SETD5: variants seen among roughly 807,000 people sequenced by gnomAD.
SETD5 encodes SET domain containing 5.
A neutral mutation model predicts 153.3 loss-of-function variants in SETD5; 44 were observed. The observed-to-expected ratio is 0.29, with a 90% CI of 0.23 to 0.37. The LOEUF (loss-of-function observed/expected upper bound fraction) is 0.37. SETD5 is among the 10% of genes least tolerant of loss of function. SETD5 has a pLI of 1.00. For synonymous variants in SETD5, 716 were observed against 645.2 expected (o/e 1.11, Z -1.66); for missense variants, 1,544 against 1,768.0 (o/e 0.87, Z 2.27).
At chr3:9,410,250 A>G (rs1215549510) in intron 1 of SETD5, among the ~76,000 whole-genome samples, 1 of 152,214 alleles carries the variant, frequency 6.6e-6, no homozygotes, top group Non-Finnish European at 1.5e-5. Flanking sequence ...AATGGAAAAG[A>G]TAAAGTAAAC....
At position 9,441,589 on chromosome 3, in the gene SETD5, T is replaced by G. The variant is rs2041304432; in HGVS notation, c.811-4T>G. 2.5e-6 allele frequency: 4 copies of G among 1,613,788 alleles called. No homozygotes were observed. The highest frequency in any genetic ancestry group is 3.4e-6 in the Non-Finnish European group (4 of 1,179,700). On this transcript the variant is annotated splice_region_variant and splice_polypyrimidine_tract_variant and intron_variant, in intron 8 of 22. Transcript: ENST00000402198. ...TTTAATGTTATTGCTCTGGTTTTAT[T>G]CAGTTACAGCTGGGAAGAGTCACTC...
At chr3:9,411,976 T>C (rs17746498) in intron 1 of SETD5, among the ~76,000 whole-genome samples, 25,933 of 152,058 alleles carry the variant, frequency 0.17, 2,476 homozygotes, top group Admixed American at 0.23. Context: ...TTTAAGGAAG[T>C]AAGTCTCCTT....
chr3:9,427,099 T>C (rs1219966695), intron 2 of SETD5, among the ~76,000 whole-genome samples: 2 of 152,018 alleles, frequency 1.3e-5, no homozygotes, highest in African/African-American at 4.8e-5. Flanking sequence ...TTGTCTCAGC[T>C]GGTCTCAAAT....
At chr3:9,407,283 G>C (rs111451827) in intron 1 of SETD5, among the ~76,000 whole-genome samples, 1 of 152,088 alleles carries the variant, frequency 6.6e-6, no homozygotes, top group Non-Finnish European at 1.5e-5. Flanking sequence ...AGCCAAGATC[G>C]TGCCACTGCA....
chr3:9,423,267 A>G (rs1267863079), intron 1 of SETD5: 1 of 152,180 alleles, frequency 6.6e-6, no homozygotes, highest in Non-Finnish European at 1.5e-5. Flanking sequence ...GGTAATTAAG[A>G]AACATTTCTG....
intron 17 of SETD5, among the ~76,000 whole-genome samples, chr3:9,460,480 A>G (rs1402038046): frequency 6.7e-6 from 1 of 150,048 alleles, no homozygotes; most frequent in Non-Finnish European, 1.5e-5. Flanking sequence ...AATGACTTCT[A>G]TAGTTCATTG....
chr3:9,416,777 A>G (rs1184670948), intron 1 of SETD5, among the ~76,000 whole-genome samples: 2 of 152,148 alleles, frequency 1.3e-5, no homozygotes, highest in East Asian at 1.9e-4. Flanking sequence ...GATGTCATAG[A>G]CACAACTGGT....
chr3:9,445,574 A>G (rs544973475), intron 12 of SETD5, 83 bp from the exon 13 acceptor site: 9 of 1,221,654 alleles, frequency 7.4e-6, no homozygotes, highest in African/African-American at 6.0e-5. Flanking sequence ...AGATTGTTAT[A>G]GAGAGTTTTA....
chr3:9,472,980 A>G (rs932490257), intron 19 of SETD5, among the ~76,000 whole-genome samples: 5 of 152,220 alleles, frequency 3.3e-5, no homozygotes, highest in Admixed American at 1.3e-4. Flanking sequence ...CTAATTGGCA[A>G]ACATTCTTTA....
chr3:9,439,683 T>G (rs2041033113), intron 7 of SETD5, among the ~76,000 whole-genome samples: 1 of 152,190 alleles, frequency 6.6e-6, no homozygotes, highest in East Asian at 1.9e-4. Context: ...GTAGTAATCT[T>G]TTCTCAATAC....
At chr3:9,468,710 T>G (rs1244478099) in intron 18 of SETD5, 1 of 612,010 alleles carries the variant, frequency 1.6e-6, no homozygotes, top group Non-Finnish European at 2.7e-6. Context: ...TCAGTCACAG[T>G]AAGTTGAATG....
intron 1 of SETD5, among the ~76,000 whole-genome samples, chr3:9,412,400 T>G (rs866379230): frequency 0.069 from 9,486 of 137,514 alleles, 1,166 homozygotes; most frequent in African/African-American, 0.25. Flanking sequence ...TTTTTTTTTT[T>G]TTTTTTTTTT....
At chr3:9,452,565 A>G (rs2042742338) in intron 16 of SETD5, among the ~76,000 whole-genome samples, 1 of 145,370 alleles carries the variant, frequency 6.9e-6, no homozygotes, top group Non-Finnish European at 1.5e-5. Context: ...TCTTTTTTAT[A>G]TCCTTGTTCA....
Position 9,441,752 on chromosome 3 carries a change from C to T in SETD5, c.959+11C>T. 6.2e-7 allele frequency: 1 copy of T among 1,613,902 alleles called. No homozygotes were observed. On this transcript the variant is annotated intron_variant, in intron 9 of 22. Coordinates refer to ENST00000402198, the MANE Select transcript of SETD5 (RefSeq NM_001080517.3). ...GCATTTCTTCAAAAAGTAAGAACGT[C>T]ATTCATTGAGCAGTGAGGGCTAAGG...
chr3:9,460,898 G>A (rs1239077716), intron 17 of SETD5, among the ~76,000 whole-genome samples: 1 of 152,102 alleles, frequency 6.6e-6, no homozygotes, highest in African/African-American at 2.4e-5. Flanking sequence ...AAAATAGGCT[G>A]GCATTTTTAC....
intron 21 of SETD5, 33 bp downstream of exon 21, chr3:9,474,615 C>G (rs749717467): frequency 6.2e-7 from 1 of 1,610,914 alleles, no homozygotes; most frequent in South Asian, 1.1e-5. Context: ...CCACCACATT[C>G]AGGGACACAT....
At chr3:9,412,416 TTA>T (rs1261620413) in intron 1 of SETD5, among the ~76,000 whole-genome samples, 5 of 133,616 alleles carry the variant, frequency 3.7e-5, no homozygotes, top group Admixed American at 8.6e-5. Flanking sequence ...TTTTTTTTTT[TTA>T]AAGAGACAAG....
intron 18 of SETD5, among the ~76,000 whole-genome samples, chr3:9,467,226 A>C (rs950540122): frequency 7.4e-6 from 1 of 135,742 alleles, no homozygotes; most frequent in South Asian, 2.4e-4. Context: ...AAAAAAAAAC[A>C]ACCTTACTAG....
chr3:9,462,845 C>G (rs2044139849), intron 17 of SETD5, among the ~76,000 whole-genome samples: 1 of 151,958 alleles, frequency 6.6e-6, no homozygotes, highest in African/African-American at 2.4e-5. Flanking sequence ...AATAATAGTG[C>G]TTGATTTATA....
Sources: allele counts gnomAD v4.1 joint callset (sites outside exome capture counted in the v4.1 genomes callset), GRCh38; gene constraint gnomAD v4.1.1; transcripts MANE v1.5; gene names NCBI Gene and HGNC (gene_info 2026-07-23, HGNC 2026-07-21).